The following RHOU variants were observed in gnomAD, a reference collection of about 807,000 sequenced individuals.
RHOU encodes rho-related GTP-binding protein RhoU.
In RHOU, 8 loss-of-function variants were observed where a neutral mutation model predicts 12.6. The ratio of observed to expected loss-of-function variants is 0.64; its 90% CI spans 0.37 to 1.15. The LOEUF is 1.15. Among genes scored for constraint, RHOU ranks in the 50% most tolerant of loss-of-function variants. RHOU has a pLI of 0.01. For missense variants in RHOU, 258 were observed against 347.0 expected (o/e 0.74, Z 2.04); for synonymous variants, 161 against 147.4 (o/e 1.09, Z -0.67).
intron 1 of RHOU, among the ~76,000 whole-genome samples, chr1:228,736,260 CAAAAAAAAAA>C (rs1204392489): frequency 1.4e-5 from 1 of 70,916 alleles, no homozygotes; most frequent in Admixed American, 1.6e-4. Context: ...AGAGCCTTGC[CAAAAAAAAAA>C]AAAAAAAAAA....
chr1:228,656,827 T>C, the RHOU span, among the ~76,000 whole-genome samples: 2 of 152,172 alleles, frequency 1.3e-5, no homozygotes, highest in African/African-American at 4.8e-5. Context: ...AGTAAGTTCT[T>C]CCTTATCAGT....
At chr1:228,700,913 C>A in the RHOU span, among the ~76,000 whole-genome samples, 1 of 151,830 alleles carries the variant, frequency 6.6e-6, no homozygotes, top group Admixed American at 6.6e-5. Context: ...AGAGCAGGAC[C>A]CCATCTTTAC....
the RHOU span, among the ~76,000 whole-genome samples, chr1:228,676,155 T>G: frequency 6.6e-6 from 1 of 150,468 alleles, no homozygotes; most frequent in Non-Finnish European, 1.5e-5. Flanking sequence ...TTTTTTAAAG[T>G]GACAGAGTCT....
chr1:228,732,270 T>C (rs1034924141), upstream of RHOU, among the ~76,000 whole-genome samples: 10 of 152,328 alleles, frequency 6.6e-5, no homozygotes, highest in Admixed American at 1.3e-4. Context: ...TTCATGGAGC[T>C]TGTAAGAGGA....
the RHOU span, among the ~76,000 whole-genome samples, chr1:228,719,423 C>T: frequency 2.6e-5 from 4 of 152,162 alleles, no homozygotes; most frequent in African/African-American, 9.7e-5. Flanking sequence ...TTTACTGAGG[C>T]TCAAAATCAC....
At chr1:228,675,993 A>C in the RHOU span, among the ~76,000 whole-genome samples, 32 of 152,240 alleles carry the variant, frequency 2.1e-4, no homozygotes, top group Admixed American at 2.1e-3. Flanking sequence ...TTCATCAGGA[A>C]TTTTCACTGG....
chr1:228,718,836 G>GGGTGACCCTGGATGCTCACTGCA, the RHOU span, among the ~76,000 whole-genome samples: 1 of 152,134 alleles, frequency 6.6e-6, no homozygotes, highest in African/African-American at 2.4e-5. Flanking sequence ...TGTCCACTGC[G>GGGTGACCCTGGATGCTCACTGCA]GGTGACCCTG....
At chr1:228,697,879 C>G in the RHOU span, among the ~76,000 whole-genome samples, 1 of 152,132 alleles carries the variant, frequency 6.6e-6, no homozygotes, top group African/African-American at 2.4e-5. Flanking sequence ...ACTAGTTTGT[C>G]ACTGTATCCT....
At chr1:228,681,367 G>A in the RHOU span, among the ~76,000 whole-genome samples, 78 of 152,204 alleles carry the variant, frequency 5.1e-4, no homozygotes, top group East Asian at 1.5e-3. Flanking sequence ...TCAGCCTGGC[G>A]GGGAGCGAGC....
chr1:228,651,971 C>T, the RHOU span, among the ~76,000 whole-genome samples: 2 of 152,180 alleles, frequency 1.3e-5, no homozygotes, highest in Non-Finnish European at 2.9e-5. Flanking sequence ...GTTGAAGTAG[C>T]AAGATGTTGG....
At chr1:228,663,006 C>T in the RHOU span, among the ~76,000 whole-genome samples, 5 of 152,162 alleles carry the variant, frequency 3.3e-5, no homozygotes, top group Non-Finnish European at 7.3e-5. Flanking sequence ...TCCACAACTA[C>T]AGATTCTGTG....
the RHOU span, among the ~76,000 whole-genome samples, chr1:228,647,138 G>A: frequency 0.015 from 2,323 of 152,210 alleles, 62 homozygotes; most frequent in African/African-American, 0.052. Flanking sequence ...GGGTGGAGGG[G>A]TTTGAGCTGT....
the RHOU span, among the ~76,000 whole-genome samples, chr1:228,648,242 T>C: frequency 2.0e-5 from 3 of 152,240 alleles, no homozygotes; most frequent in Non-Finnish European, 4.4e-5. Context: ...CCTTCCGTGA[T>C]TGCTTGCGCC....
the RHOU span, among the ~76,000 whole-genome samples, chr1:228,672,237 AGCTCACTGCAACCTCT>A: frequency 1.3e-5 from 2 of 152,182 alleles, no homozygotes; most frequent in East Asian, 3.8e-4. Flanking sequence ...GTGCAACCTC[AGCTCACTGCAACCTCT>A]GCCTCCCGGG....
At chr1:228,686,145 T>C in the RHOU span, among the ~76,000 whole-genome samples, 1 of 152,186 alleles carries the variant, frequency 6.6e-6, no homozygotes, top group Admixed American at 6.5e-5. Flanking sequence ...TTGCTACTTA[T>C]TAGATTTAGA....
chr1:228,648,469 G>T, the RHOU span, among the ~76,000 whole-genome samples: 1 of 152,200 alleles, frequency 6.6e-6, no homozygotes, highest in African/African-American at 2.4e-5. Flanking sequence ...ACAGTCCTGG[G>T]ATCTTCTCTG....
At chr1:228,667,318 G>A in the RHOU span, among the ~76,000 whole-genome samples, 8 of 152,202 alleles carry the variant, frequency 5.3e-5, no homozygotes, top group Non-Finnish European at 7.3e-5. Flanking sequence ...AAAGAACAGT[G>A]GAAGCCCAGA....
rs11583565 is a variant in RHOU at position 228,744,388 on chromosome 1, C to T, written c.*648C>T. The T allele has an allele frequency of 0.15, 23,579 of 152,212 alleles. 2,090 individuals are homozygous for T. Among genetic ancestry groups the T allele is most frequent in the South Asian group, 0.22 (1,066 of 4,816 alleles). 9.4% of individuals were successfully genotyped at this position (152,212 alleles called of 1,614,324 possible). On this transcript the variant is annotated 3_prime_UTR_variant, in exon 3 of 3. Coordinates refer to ENST00000366691, the MANE Select transcript of RHOU (RefSeq NM_021205.6). ...ACTCTGTAGTCAAAAAAGGAAACTT[C>T]CTTATTGGGACTTTTCTTTCTTAGT...
chr1:228,656,415 C>T, the RHOU span, among the ~76,000 whole-genome samples: 5 of 152,154 alleles, frequency 3.3e-5, no homozygotes, highest in Non-Finnish European at 5.9e-5. Context: ...TTAAAAATTA[C>T]GCTTTTCCCA....
Sources: allele counts gnomAD v4.1 joint callset (sites outside exome capture counted in the v4.1 genomes callset), GRCh38; gene constraint gnomAD v4.1.1; transcripts MANE v1.5; gene names NCBI Gene and HGNC (gene_info 2026-07-23, HGNC 2026-07-21).